Variants in PPFIBP2 observed in about 807,000 individuals in gnomAD.
PPFIBP2 encodes the protein PPFIB scaffold protein 2, also known as liprin-beta-2.
PPFIBP2 carries 118 observed loss-of-function variants against 118.3 expected under a neutral mutation model. That is an observed-to-expected ratio of 1.00 (90% CI 0.86 to 1.16). PPFIBP2 has a LOEUF of 1.16. Ranked by LOEUF, PPFIBP2 falls within the 50% of genes most tolerant of loss-of-function variation. The pLI is 0.00. For missense variants in PPFIBP2, 1,195 were observed against 1,073.1 expected, an observed-to-expected ratio of 1.11 and a Z score of -1.59; for synonymous variants, 414 against 397.4, an observed-to-expected ratio of 1.04 and a Z score of -0.50.
At chr11:7,650,713 T>C in intron 21 of PPFIBP2, 127 bp from the exon 22 acceptor site, 1 of 1,024,404 alleles carries the variant, frequency 9.8e-7, no homozygotes, top group Middle Eastern at 3.6e-4. Context: ...GGTGGGTCAC[T>C]AAGCTTGAGG....
downstream of PPFIBP2, chr11:7,656,870 GCA>G: frequency 2.7e-6 from 3 of 1,117,818 alleles, no homozygotes; most frequent in Non-Finnish European, 2.4e-6. Context: ...TGGGGAGCGG[GCA>G]CACAGCCCCC....
the PPFIBP2 span, chr11:7,665,769 C>T: frequency 7.0e-7 from 1 of 1,424,354 alleles, no homozygotes; most frequent in Non-Finnish European, 9.4e-7. Flanking sequence ...CCCTGAAGCC[C>T]TGCTGCTGTC....
At chr11:7,620,787 T>G (rs900112196) in intron 6 of PPFIBP2, 148 bp from the exon 7 acceptor site, 1 of 650,456 alleles carries the variant, frequency 1.5e-6, no homozygotes, top group Admixed American at 2.6e-5. Context: ...ACAGCTTTCC[T>G]GAAACAAGGG....
intron 6 of PPFIBP2, among the ~76,000 whole-genome samples, chr11:7,613,127 C>A (rs752284967): frequency 1.3e-5 from 2 of 152,008 alleles, no homozygotes; most frequent in African/African-American, 2.4e-5. Flanking sequence ...ATAGCCAGAT[C>A]TGAAATACAG....
chr11:7,652,662 C>T (rs1350594571), intron 23 of PPFIBP2, among the ~76,000 whole-genome samples: 1 of 152,178 alleles, frequency 6.6e-6, no homozygotes, highest in Admixed American at 6.5e-5. Flanking sequence ...GGTTGGGGTG[C>T]CAGCAGCTGT....
chr11:7,656,735 G>A (rs1177346645), downstream of PPFIBP2: 1 of 1,289,710 alleles, frequency 7.8e-7, no homozygotes, highest in African/African-American at 1.5e-5. Context: ...AGACAATGCT[G>A]AGCCAGGACC....
intron 1 of PPFIBP2, among the ~76,000 whole-genome samples, chr11:7,543,083 G>A (rs1476746414): frequency 6.6e-6 from 1 of 152,136 alleles, no homozygotes. Flanking sequence ...GGTTAATATG[G>A]GATGTGATTG....
chr11:7,642,533 T>C, intron 17 of PPFIBP2, 107 bp downstream of exon 17: 1 of 1,268,002 alleles, frequency 7.9e-7, no homozygotes, highest in East Asian at 2.6e-5. Context: ...GGAAACCCCT[T>C]TCCATATTCT....
chr11:7,666,420 C>T, the PPFIBP2 span: 1 of 1,433,862 alleles, frequency 7.0e-7, no homozygotes, highest in African/African-American at 1.4e-5. Flanking sequence ...TGGTGCTGAC[C>T]CATGGTGAGT....
chr11:7,531,050 T>G (rs1275280466), intron 1 of PPFIBP2, among the ~76,000 whole-genome samples: 1 of 152,088 alleles, frequency 6.6e-6, no homozygotes, highest in Non-Finnish European at 1.5e-5. Flanking sequence ...GCTAACAAAC[T>G]TCCAGGAGCA....
At chr11:7,516,204 A>G (rs1590076685) in intron 1 of PPFIBP2, among the ~76,000 whole-genome samples, 1 of 152,346 alleles carries the variant, frequency 6.6e-6, no homozygotes, top group South Asian at 2.1e-4. Context: ...GGTGGGAAGC[A>G]AACTCCAAGG....
chr11:7,519,326 G>A (rs1849522187), intron 1 of PPFIBP2, among the ~76,000 whole-genome samples: 1 of 152,144 alleles, frequency 6.6e-6, no homozygotes, highest in African/African-American at 2.4e-5. Flanking sequence ...GAATGGAGGA[G>A]AAGGATTTGA....
At chr11:7,651,565 C>T in intron 22 of PPFIBP2, 91 bp from the exon 23 acceptor site, 1 of 1,226,074 alleles carries the variant, frequency 8.2e-7, no homozygotes, top group Non-Finnish European at 1.2e-6. Flanking sequence ...CTGGAGGCAC[C>T]CCCAGCCCCA....
chr11:7,603,681 C>T (rs1389619590), intron 5 of PPFIBP2, among the ~76,000 whole-genome samples: 3 of 152,272 alleles, frequency 2.0e-5, no homozygotes, highest in African/African-American at 7.2e-5. Context: ...TAGTCAGAGC[C>T]TGAGTTTTGG....
chr11:7,569,021 C>T (rs1417862579), intron 3 of PPFIBP2: 1 of 152,272 alleles, frequency 6.6e-6, no homozygotes, highest in East Asian at 1.9e-4. Flanking sequence ...TGCAGATCTT[C>T]TGGCACTGGA....
In PPFIBP2 at chr11:7,574,131, T is replaced by C. The variant is rs139521784; in HGVS notation, c.279+8364T>C. On this transcript the variant is annotated intron_variant, in intron 3 of 23. Coordinates refer to ENST00000299492, the MANE Select transcript of PPFIBP2 (RefSeq NM_003621.5). ...CACCCTGGCCTCTTAGCTGTGTTTT[T>C]ACTCCCAGAATGCTCAGCCTCACAG... is the stretch of plus-strand genomic sequence containing the variant. 9 of 152,390 alleles carry C rather than the reference T, an allele frequency of 5.9e-5. No individual in the cohort carries two copies. The East Asian group carries it at 1.7e-3, about 29-fold the overall frequency. The allele number at this position is 152,390 out of a possible 1,614,324, so 9.4% of individuals were successfully genotyped here. A position where few individuals can be genotyped will look rare whatever the true frequency, so the allele number is the denominator to read the frequency against.
intron 6 of PPFIBP2, among the ~76,000 whole-genome samples, chr11:7,610,825 G>T (rs1288508682): frequency 1.3e-5 from 2 of 152,188 alleles, no homozygotes; most frequent in Non-Finnish European, 2.9e-5. Context: ...GTTTCTTGAC[G>T]TGCGTTTCAC....
At chr11:7,600,651 G>A (rs1861265524) in intron 5 of PPFIBP2, among the ~76,000 whole-genome samples, 1 of 152,228 alleles carries the variant, frequency 6.6e-6, no homozygotes, top group Non-Finnish European at 1.5e-5. Context: ...TCCTTTCACT[G>A]TCTCAGTGTG....
At chr11:7,519,855 A>G (rs1311706485) in intron 1 of PPFIBP2, among the ~76,000 whole-genome samples, 1 of 152,124 alleles carries the variant, frequency 6.6e-6, no homozygotes, top group Non-Finnish European at 1.5e-5. Context: ...GGACCAGAGA[A>G]ACCAAAAGAG....
Sources: gnomAD v4.1 joint callset for allele counts (sites outside exome capture counted in the v4.1 genomes callset) on GRCh38, gnomAD v4.1.1 for gene constraint, MANE v1.5 for transcripts, NCBI Gene and HGNC (gene_info 2026-07-23, HGNC 2026-07-21) for gene names.